UGT2B15: variants seen among roughly 807,000 people sequenced by gnomAD.
The protein encoded by UGT2B15 is UDP-glucuronosyltransferase 2B15.
In UGT2B15, 36 loss-of-function variants were observed where a neutral mutation model predicts 45.9. That is an observed-to-expected ratio of 0.78 (90% CI 0.60 to 1.04). UGT2B15 has a LOEUF of 1.04. Among genes scored for constraint, UGT2B15 ranks in the 50% least tolerant of loss-of-function variants. The pLI is 0.00. For missense variants in UGT2B15, 617 were observed against 622.4 expected (o/e 0.99, Z 0.09); for synonymous variants, 219 against 216.4 (o/e 1.01, Z -0.11).
intron 1 of UGT2B15, among the ~76,000 whole-genome samples, chr4:68,669,408 T>G (rs1733235007): frequency 6.6e-6 from 1 of 152,166 alleles, no homozygotes; most frequent in Non-Finnish European, 1.5e-5. Flanking sequence ...GCCACTATAT[T>G]ACTCAACTGT....
chr4:68,657,107 G>A (rs1183333849), intron 3 of UGT2B15, among the ~76,000 whole-genome samples: 1 of 152,064 alleles, frequency 6.6e-6, no homozygotes, highest in Non-Finnish European at 1.5e-5. Context: ...GTGTGGATTT[G>A]TGTGAGAAAC....
intron 4 of UGT2B15, 123 bp from the exon 5 acceptor site, chr4:68,654,379 G>A (rs1399290808): frequency 1.6e-5 from 14 of 890,712 alleles, no homozygotes; most frequent in Non-Finnish European, 2.3e-5. Context: ...CCACAAAACT[G>A]CATTGAAATT....
At chr4:68,656,129 C>T (rs1349220165) in intron 3 of UGT2B15, among the ~76,000 whole-genome samples, 2 of 151,994 alleles carry the variant, frequency 1.3e-5, no homozygotes, top group East Asian at 3.9e-4. Context: ...TGGAGTTTTA[C>T]TTGCTTCCTA....
chr4:68,660,098 T>C (rs559211758), intron 3 of UGT2B15, among the ~76,000 whole-genome samples: 1 of 151,432 alleles, frequency 6.6e-6, no homozygotes, highest in South Asian at 2.1e-4. Flanking sequence ...AATACAGTTA[T>C]TTGCATAAGT....
At position 68,647,295 on chromosome 4, in the gene UGT2B15, C is replaced by A; in HGVS notation, c.1402G>T (p.Val468Phe). 6.2e-7 allele frequency: 1 copy of A among 1,613,930 alleles called. No individual in the cohort carries two copies. Among genetic ancestry groups the A allele is most frequent in the Non-Finnish European group, 8.5e-7 (1 of 1,179,894 alleles). The change falls in exon 6 of 6, where the codon GTC (valine) becomes TTC (phenylalanine). Residue 468 changes from valine (V) to phenylalanine (F), a missense_variant. Physicochemically the swap from Val to Phe is conservative, Grantham distance 50 (BLOSUM62 -1). This residue lies in a region of UGT2B15 where 265 missense variants were observed against 245.1 expected (regional missense o/e 1.08). Coordinates refer to ENST00000338206, the MANE Select transcript of UGT2B15 (RefSeq NM_001076.4). The part of the protein sequence containing the change: ...LDRAVFWIEF[V>F]MRHKGAKHLR... ...TGCTTGGCTCCTTTGTGGCGCATGA[C>A]AAACTCAATCCAGAAGACTGCTCGA...
chr4:68,652,486 C>T (rs1732685691), intron 5 of UGT2B15, among the ~76,000 whole-genome samples: 2 of 150,878 alleles, frequency 1.3e-5, no homozygotes, highest in Non-Finnish European at 3.0e-5. Flanking sequence ...TATCTTAAAT[C>T]ATTTCTTGTC....
At chr4:68,653,431 G>T (rs1732710825) in intron 5 of UGT2B15, among the ~76,000 whole-genome samples, 2 of 151,932 alleles carry the variant, frequency 1.3e-5, no homozygotes, top group Admixed American at 1.3e-4. Context: ...AATATGTGAA[G>T]AGAATAATCT....
At position 68,666,746 on chromosome 4, in the gene UGT2B15, A is replaced by ATTT. The variant is rs1172427126; in HGVS notation, c.873+1293_873+1294insAAA. 7.0e-4 allele frequency among the ~76,000 whole-genome samples: 50 copies of ATTT among 71,100 alleles called. No individual in the cohort carries two copies. The East Asian group carries it at 0.013, about 18-fold the overall frequency. The allele number at this position is 71,100 out of a possible 152,430, so 46.6% of individuals were successfully genotyped here. On this transcript the variant is annotated intron_variant, in intron 2 of 5. Coordinates refer to ENST00000338206, the MANE Select transcript of UGT2B15 (RefSeq NM_001076.4). ...TATATCAAATTACATATATATATAT[A>ATTT]TATATATTTTTTTTTTTTGAGACAG...
intron 3 of UGT2B15, 150 bp from the exon 4 acceptor site, chr4:68,655,332 A>C: frequency 2.0e-6 from 2 of 999,632 alleles, no homozygotes; most frequent in Non-Finnish European, 1.5e-6. Context: ...AGAACTACTA[A>C]AAGTTTGAGG....
chr4:68,664,720 C>G (rs1733069885), intron 2 of UGT2B15, among the ~76,000 whole-genome samples: 1 of 152,110 alleles, frequency 6.6e-6, no homozygotes, highest in South Asian at 2.1e-4. Context: ...GCACCTGCCA[C>G]CACGCCTGGC....
chr4:68,664,583 T>C (rs561255308), intron 2 of UGT2B15, among the ~76,000 whole-genome samples: 203 of 152,032 alleles, frequency 1.3e-3, no homozygotes, highest in Non-Finnish European at 2.3e-3. Context: ...TTTTTTTTTT[T>C]CCAGATGGAG....
intron 2 of UGT2B15, among the ~76,000 whole-genome samples, chr4:68,663,472 T>C (rs1455540294): frequency 6.6e-6 from 1 of 152,096 alleles, no homozygotes; most frequent in Non-Finnish European, 1.5e-5. Context: ...ATTACTAACA[T>C]AGGTTATTGG....
At chr4:68,666,996 C>T (rs4694747) in intron 2 of UGT2B15, among the ~76,000 whole-genome samples, 27,866 of 151,752 alleles carry the variant, frequency 0.18, 2,987 homozygotes, top group Admixed American at 0.3. Context: ...ATCCACCTGC[C>T]TTGGCCTCCC....
chr4:68,666,371 G>A (rs1426754788), intron 2 of UGT2B15, among the ~76,000 whole-genome samples: 2 of 152,014 alleles, frequency 1.3e-5, no homozygotes, highest in Non-Finnish European at 2.9e-5. Flanking sequence ...TAAATGGCTG[G>A]CACATGTTAG....
chr4:68,666,722 A>G (rs1281622952), intron 2 of UGT2B15, among the ~76,000 whole-genome samples: 2 of 147,152 alleles, frequency 1.4e-5, no homozygotes, highest in Non-Finnish European at 3.0e-5. Context: ...CCCTATGGGT[A>G]TATCAAATTA....
intron 3 of UGT2B15, among the ~76,000 whole-genome samples, chr4:68,660,251 G>A (rs1732924199): frequency 6.6e-6 from 1 of 150,380 alleles, no homozygotes; most frequent in Admixed American, 6.7e-5. Context: ...GGGAAAACTG[G>A]CCTCATACCT....
chr4:68,660,286 G>A (rs1182942055), intron 3 of UGT2B15, among the ~76,000 whole-genome samples: 1 of 149,780 alleles, frequency 6.7e-6, no homozygotes, highest in Admixed American at 6.7e-5. Flanking sequence ...CCTGTACAGG[G>A]TTCCTGAACT....
chr4:68,654,143 T>C lies in UGT2B15; in HGVS notation c.1207A>G (p.Asn403Asp). ...CCCTTGGCTTTCATGTGAGCAATGT[T>C]ATCATGTTGATCCGCAAACAAGGGA... ...GIPLFADQHD[N>D]IAHMKAKGAA... is the part of the protein sequence containing the mutation. The change falls in exon 5 of 6, where the codon AAC becomes GAC. Residue 403 changes from asparagine (N) to aspartate (D), a missense_variant. Coordinates refer to ENST00000338206, the MANE Select transcript of UGT2B15 (RefSeq NM_001076.4). 1 of 1,613,666 alleles carries C rather than the reference T, an allele frequency of 6.2e-7. No homozygotes were observed. Among genetic ancestry groups the C allele is most frequent in the Non-Finnish European group, 8.5e-7 (1 of 1,179,708 alleles).
At chr4:68,667,980 C>T (rs905084147) in intron 2 of UGT2B15, 60 bp downstream of exon 2, 8 of 1,589,976 alleles carry the variant, frequency 5.0e-6, no homozygotes, top group African/African-American at 1.4e-5. Flanking sequence ...CTGAAAGAAA[C>T]ATATCCAGCC....
Sources: allele counts gnomAD v4.1 joint callset (sites outside exome capture counted in the v4.1 genomes callset), GRCh38; gene constraint gnomAD v4.1.1; regional missense constraint gnomAD v4.1.1; transcripts MANE v1.5; gene names NCBI Gene and HGNC (gene_info 2026-07-23, HGNC 2026-07-21).